The following VAV3 variants were observed in gnomAD, a reference collection of about 807,000 sequenced individuals.
The protein encoded by VAV3 is guanine nucleotide exchange factor VAV3.
Under a neutral mutation model 131.2 loss-of-function variants are expected in VAV3, and 94 were observed. The ratio of observed to expected loss-of-function variants is 0.72; its 90% confidence interval spans 0.61 to 0.85. VAV3 has a LOEUF of 0.85. Ranked by LOEUF, VAV3 falls within the 40% of genes least tolerant of loss-of-function variation. The pLI, the probability that VAV3 is intolerant of heterozygous loss-of-function variation, is 0.00. For missense variants in VAV3, 939 were observed against 1,002.7 expected, an observed-to-expected ratio of 0.94 and a Z score of 0.86; for synonymous variants, 349 against 342.0, an observed-to-expected ratio of 1.02 and a Z score of -0.22.
At chr1:107,751,297 T>A (rs1054771699) in intron 12 of VAV3, 95 bp from the exon 13 acceptor site, 2 of 977,240 alleles carry the variant, frequency 2.0e-6, no homozygotes, top group Non-Finnish European at 3.1e-6. Context: ...AACTACCTTA[T>A]TACATTAAAA....
chr1:107,830,092 G>A (rs557534693), intron 2 of VAV3, among the ~76,000 whole-genome samples: 1 of 152,210 alleles, frequency 6.6e-6, no homozygotes, highest in South Asian at 2.1e-4. Context: ...AATTCAGCAG[G>A]CTTTAAAGGC....
chr1:107,770,606 G>T, intron 6 of VAV3, 30 bp downstream of exon 6: 1 of 1,344,034 alleles, frequency 7.4e-7, no homozygotes, highest in South Asian at 1.2e-5. Flanking sequence ...GGCAGTATTT[G>T]GGCATCAAAA....
chr1:107,765,090 T>C lies in VAV3; in HGVS notation c.907A>G (p.Lys303Glu). Reference protein sequence around the residue: ...DYISKTKEDVKLKLEECSKRA... With the variant: ...DYISKTKEDVELKLEECSKRA... Reference sequence around the variant, plus strand: ...TAAATAGGCACCTCTAATTTCAGTTTGACATCTTCTTTTGTCTTAGAAATG... The same window carrying C: ...TAAATAGGCACCTCTAATTTCAGTTCGACATCTTCTTTTGTCTTAGAAATG... Residue 303 changes from lysine to glutamate, a missense_variant, in exon 9 of 27, where the codon AAA becomes GAA. Lys to Glu is a moderately conservative substitution (Grantham distance 56). Coordinates refer to ENST00000370056, the MANE Select transcript of VAV3 (RefSeq NM_006113.5). 1 of 1,612,698 alleles carries C rather than the reference T, an allele frequency of 6.2e-7. No individual in the cohort carries two copies. Among genetic ancestry groups the C allele is most frequent in the African/African-American group, 1.3e-5 (1 of 75,004 alleles).
At chr1:107,673,356 G>T in intron 19 of VAV3, among the ~76,000 whole-genome samples, 1 of 152,012 alleles carries the variant, frequency 6.6e-6, no homozygotes, top group African/African-American at 2.4e-5. Flanking sequence ...CATTCTCTTT[G>T]TGAATGGCTC....
chr1:107,832,210 A>G (rs1182702684), intron 2 of VAV3, among the ~76,000 whole-genome samples: 1 of 152,252 alleles, frequency 6.6e-6, no homozygotes, highest in Non-Finnish European at 1.5e-5. Context: ...CTAATGATCT[A>G]ATGGACTAAT....
chr1:107,739,998 G>A (rs1662911351), intron 15 of VAV3, among the ~76,000 whole-genome samples: 1 of 152,174 alleles, frequency 6.6e-6, no homozygotes, highest in African/African-American at 2.4e-5. Flanking sequence ...ATTAAACAAT[G>A]CTTCTTGGCT....
At chr1:107,628,572 T>C (rs1327410679) in intron 20 of VAV3, among the ~76,000 whole-genome samples, 1 of 152,246 alleles carries the variant, frequency 6.6e-6, no homozygotes, top group Admixed American at 6.5e-5. Context: ...TCTGACTTTT[T>C]ATTTTCTGTG....
chr1:107,900,637 C>A (rs1270854381), intron 1 of VAV3, among the ~76,000 whole-genome samples: 1 of 152,156 alleles, frequency 6.6e-6, no homozygotes, highest in Non-Finnish European at 1.5e-5. Flanking sequence ...TAAACCACAA[C>A]TGAAGCATGC....
intron 17 of VAV3, among the ~76,000 whole-genome samples, chr1:107,693,984 G>GT (rs386634383): frequency 0.034 from 5,144 of 152,226 alleles, 120 homozygotes; most frequent in South Asian, 0.079. Context: ...CATGTGTCAA[G>GT]CTGGCAAAGT....
intron 20 of VAV3, among the ~76,000 whole-genome samples, chr1:107,630,638 G>A (rs1402436770): frequency 1.3e-5 from 2 of 152,258 alleles, no homozygotes; most frequent in Middle Eastern, 3.4e-3. Context: ...CCAAAAAGAG[G>A]TGCTTAAAAA....
chr1:107,871,945 T>C (rs1273532275), intron 2 of VAV3, among the ~76,000 whole-genome samples: 2 of 152,222 alleles, frequency 1.3e-5, no homozygotes, highest in Non-Finnish European at 2.9e-5. Flanking sequence ...TGCAGACTCA[T>C]GCAGTATCCT....
chr1:107,792,514 A>T (rs1666348559), intron 2 of VAV3, among the ~76,000 whole-genome samples: 1 of 152,202 alleles, frequency 6.6e-6, no homozygotes, highest in African/African-American at 2.4e-5. Flanking sequence ...TTCAACAGGT[A>T]ATAAAGCCAC....
chr1:107,956,188 C>T, intron 1 of VAV3, among the ~76,000 whole-genome samples: 1 of 152,082 alleles, frequency 6.6e-6, no homozygotes, highest in East Asian at 1.9e-4. Flanking sequence ...AAGCTCTCCT[C>T]CAATTTTGTC....
intron 19 of VAV3, among the ~76,000 whole-genome samples, chr1:107,677,103 A>G (rs1362890663): frequency 1.3e-5 from 2 of 152,234 alleles, no homozygotes; most frequent in Admixed American, 1.3e-4. Context: ...CTTGATTTGA[A>G]TATGCTGAAA....
chr1:107,775,358 A>G (rs1220331075), intron 4 of VAV3, among the ~76,000 whole-genome samples: 2 of 152,094 alleles, frequency 1.3e-5, no homozygotes, highest in Non-Finnish European at 2.9e-5. Context: ...AGGCAGGTGG[A>G]TCATGAGGTC....
intron 1 of VAV3, among the ~76,000 whole-genome samples, chr1:107,958,852 T>C (rs1009121448): frequency 2.0e-5 from 3 of 152,178 alleles, no homozygotes; most frequent in Non-Finnish European, 4.4e-5. Flanking sequence ...TCTTCATATA[T>C]AGATATATCT....
chr1:107,640,789 G>C (rs1312831349), intron 20 of VAV3, among the ~76,000 whole-genome samples: 1 of 152,148 alleles, frequency 6.6e-6, no homozygotes, highest in Non-Finnish European at 1.5e-5. Context: ...CTTAGCTTTG[G>C]TTGTGGAGAG....
chr1:107,698,900 A>C (rs1337628222), intron 17 of VAV3, among the ~76,000 whole-genome samples: 1 of 152,160 alleles, frequency 6.6e-6, no homozygotes, highest in Non-Finnish European at 1.5e-5. Context: ...ATTCACTATC[A>C]TGAGAACAGC....
chr1:107,921,318 T>C (rs1382199971), intron 1 of VAV3, among the ~76,000 whole-genome samples: 1 of 152,210 alleles, frequency 6.6e-6, no homozygotes, highest in Non-Finnish European at 1.5e-5. Flanking sequence ...CTGCATCACA[T>C]ACTTTAGTGA....
Sources: allele counts gnomAD v4.1 joint callset (sites outside exome capture counted in the v4.1 genomes callset), GRCh38; gene constraint gnomAD v4.1.1; transcripts MANE v1.5; gene names NCBI Gene and HGNC (gene_info 2026-07-23, HGNC 2026-07-21).